The following ENOX1 variants were observed in gnomAD, a reference collection of about 807,000 sequenced individuals.
ENOX1 encodes ecto-NOX disulfide-thiol exchanger 1, also known as candidate growth-related and time keeping constitutive hydroquinone (NADH) oxidase.
In ENOX1, 42 loss-of-function variants were observed where a neutral mutation model predicts 82.5. The ratio of observed to expected loss-of-function variants is 0.51; its 90% CI spans 0.40 to 0.66. ENOX1 has a LOEUF of 0.66. Ranked by LOEUF, ENOX1 falls within the 30% of genes least tolerant of loss-of-function variation. The probability of loss-of-function intolerance (pLI) is 0.00; values close to 1 mark genes in which losing one functional copy is unlikely to be tolerated. For synonymous variants in ENOX1, 271 were observed against 282.2 expected (o/e 0.96, Z 0.40); for missense variants, 608 against 811.6 (o/e 0.75, Z 3.05).
intron 12 of ENOX1, among the ~76,000 whole-genome samples, chr13:43,294,107 G>C (rs1218620155): frequency 6.6e-6 from 1 of 152,068 alleles, no homozygotes; most frequent in Admixed American, 6.6e-5. Flanking sequence ...GAGAGAGACT[G>C]CTCCACATGG....
intron 1 of ENOX1, among the ~76,000 whole-genome samples, chr13:43,671,710 C>G (rs552917721): frequency 1.3e-5 from 2 of 152,210 alleles, no homozygotes; most frequent in South Asian, 4.2e-4. Context: ...GGACTGGAAT[C>G]CTATTTTGTG....
Position 43,299,862 on chromosome 13 carries a change from C to G in ENOX1, c.1262-1332G>C, listed in dbSNP as rs1458826011. ...CCAGGTCGTCAGTGCATGCGCGTTT[C>G]CAGCCCCCGCTCCCCGTGTCAGAGG... On this transcript the variant is annotated intron_variant, in intron 11 of 16. Transcript: ENST00000690772. Among the ~76,000 whole-genome samples, 3 of 152,188 alleles carry G rather than the reference C, an allele frequency of 2.0e-5. No homozygotes were observed. In the East Asian group the frequency reaches 5.8e-4, roughly 29 times the overall value.
intron 1 of ENOX1, among the ~76,000 whole-genome samples, chr13:43,679,210 G>A (rs1283802642): frequency 6.6e-6 from 1 of 152,170 alleles, no homozygotes; most frequent in African/African-American, 2.4e-5. Context: ...TTCCTTGAGG[G>A]TTTTTTAAGT....
At chr13:43,775,988 G>A (rs780615726) in intron 1 of ENOX1, among the ~76,000 whole-genome samples, 26 of 152,242 alleles carry the variant, frequency 1.7e-4, no homozygotes, top group Admixed American at 8.5e-4. Flanking sequence ...TCTTATTAAT[G>A]TTCTTGACAT....
intron 2 of ENOX1, among the ~76,000 whole-genome samples, chr13:43,490,102 C>A (rs1462274194): frequency 6.6e-6 from 1 of 152,096 alleles, no homozygotes; most frequent in African/African-American, 2.4e-5. Context: ...CCACGCCCAG[C>A]CAGATTTTTT....
intron 1 of ENOX1, among the ~76,000 whole-genome samples, chr13:43,766,828 G>A (rs1185212445): frequency 6.6e-6 from 1 of 152,030 alleles, no homozygotes; most frequent in Admixed American, 6.6e-5. Context: ...TCACTAAAAG[G>A]ATGAAAAGGA....
At chr13:43,643,166 G>A (rs1489551382) in intron 2 of ENOX1, among the ~76,000 whole-genome samples, 1 of 152,196 alleles carries the variant, frequency 6.6e-6, no homozygotes, top group African/African-American at 2.4e-5. Flanking sequence ...AGGTTCTTGA[G>A]GGCAGGGGTT....
At chr13:43,729,765 T>C (rs1369425036) in intron 1 of ENOX1, among the ~76,000 whole-genome samples, 4 of 152,250 alleles carry the variant, frequency 2.6e-5, no homozygotes, top group Non-Finnish European at 5.9e-5. Context: ...GCCTCTCTGA[T>C]GGAGGAGTAT....
At chr13:43,447,122 C>G (rs987740290) in intron 3 of ENOX1, among the ~76,000 whole-genome samples, 1 of 152,144 alleles carries the variant, frequency 6.6e-6, no homozygotes, top group African/African-American at 2.4e-5. Flanking sequence ...AAAAAATTGG[C>G]AAATTATAGA....
At chr13:43,452,730 C>A (rs2057033757) in intron 3 of ENOX1, among the ~76,000 whole-genome samples, 1 of 152,142 alleles carries the variant, frequency 6.6e-6, no homozygotes, top group Non-Finnish European at 1.5e-5. Context: ...CCTATGTTGA[C>A]CAGGCTGGTC....
chr13:43,222,695 A>T (rs1020884727), intron 16 of ENOX1, among the ~76,000 whole-genome samples: 1 of 152,196 alleles, frequency 6.6e-6, no homozygotes, highest in African/African-American at 2.4e-5. Context: ...GTTTTGTTTA[A>T]TCCTCCAGGC....
At chr13:43,449,351 A>T (rs1253669817) in intron 3 of ENOX1, among the ~76,000 whole-genome samples, 1 of 152,228 alleles carries the variant, frequency 6.6e-6, no homozygotes, top group African/African-American at 2.4e-5. Flanking sequence ...TATGCAGGCT[A>T]CAAGTCAAAT....
At chr13:43,500,936 T>C (rs982444539) in intron 2 of ENOX1, among the ~76,000 whole-genome samples, 4 of 151,650 alleles carry the variant, frequency 2.6e-5, no homozygotes, top group Admixed American at 6.6e-5. Flanking sequence ...ATACAAAAGA[T>C]AGAATAAAAG....
At chr13:43,646,993 C>T (rs2083923427) in intron 2 of ENOX1, among the ~76,000 whole-genome samples, 1 of 152,192 alleles carries the variant, frequency 6.6e-6, no homozygotes, top group African/African-American at 2.4e-5. Flanking sequence ...AAGCTTCTTA[C>T]CATTCCATGT....
chr13:43,297,518 G>A (rs1374759586), intron 12 of ENOX1, among the ~76,000 whole-genome samples: 2 of 151,862 alleles, frequency 1.3e-5, no homozygotes, highest in Non-Finnish European at 2.9e-5. Flanking sequence ...TTATTCTAAG[G>A]TAACTCAAAG....
chr13:43,234,719 A>C (rs2042440589), intron 15 of ENOX1, among the ~76,000 whole-genome samples: 1 of 152,224 alleles, frequency 6.6e-6, no homozygotes, highest in Non-Finnish European at 1.5e-5. Flanking sequence ...CAGGCATAGC[A>C]TGTTATAAAT....
intron 2 of ENOX1, among the ~76,000 whole-genome samples, chr13:43,504,512 G>T (rs1026337087): frequency 6.6e-6 from 1 of 151,784 alleles, no homozygotes; most frequent in Non-Finnish European, 1.5e-5. Context: ...CCTGTCATTT[G>T]CAACAACATG....
intron 2 of ENOX1, among the ~76,000 whole-genome samples, chr13:43,605,767 C>T (rs565391025): frequency 2.0e-5 from 3 of 152,218 alleles, no homozygotes; most frequent in South Asian, 2.1e-4. Context: ...TTGAGTAATA[C>T]CCTATAAGCA....
At chr13:43,762,349 C>T (rs1042524111) in intron 1 of ENOX1, among the ~76,000 whole-genome samples, 3 of 152,164 alleles carry the variant, frequency 2.0e-5, no homozygotes, top group Non-Finnish European at 4.4e-5. Flanking sequence ...ATTATTCGTT[C>T]CACAGGACAG....
Sources: allele counts gnomAD v4.1 joint callset (sites outside exome capture counted in the v4.1 genomes callset), GRCh38; gene constraint gnomAD v4.1.1; transcripts MANE v1.5; gene names NCBI Gene and HGNC (gene_info 2026-07-23, HGNC 2026-07-21).